PDLIM2: variants seen among roughly 807,000 people sequenced by gnomAD.
PDLIM2 encodes the protein PDZ and LIM domain 2, also known as PDZ and LIM domain protein 2.
A neutral mutation model predicts 54.1 loss-of-function variants in PDLIM2; 51 were observed. The ratio of observed to expected loss-of-function variants is 0.94; its 90% CI spans 0.75 to 1.19. The LOEUF is 1.19. Ranked by LOEUF, PDLIM2 falls within the 50% of genes most tolerant of loss-of-function variation. PDLIM2 has a pLI of 0.00. For synonymous variants in PDLIM2, 398 were observed against 385.6 expected (o/e 1.03, Z -0.38); for missense variants, 912 against 874.0 (o/e 1.04, Z -0.55).
At chr8:22,581,318 G>C in intron 2 of PDLIM2, 61 bp from the exon 2 acceptor site, 1 of 1,536,086 alleles carries the variant, frequency 6.5e-7, no homozygotes, top group Non-Finnish European at 8.7e-7. Context: ...GGGTAGCAGA[G>C]TGGGAAGTCC....
In PDLIM2 at chr8:22,591,428, T is replaced by C. The variant is rs73672778; in HGVS notation, c.1514-123T>C. 6,393 of 828,758 alleles carry C rather than the reference T, an allele frequency of 7.7e-3. 280 individuals carry two copies. The African/African-American group carries it at 0.092, about 12-fold the overall frequency. The allele number at this position is 828,758 out of a possible 1,614,324, so 51.3% of individuals were successfully genotyped here. On this transcript the variant is annotated intron_variant, in intron 8 of 9. Coordinates refer to ENST00000308354, the Ensembl canonical transcript of PDLIM2. ...CACCTTCCTCCTTACCTGGTGCCAC[T>C]GTCAGCGTGACTTTAGGGTTTCTCT... is the stretch of plus-strand genomic sequence containing the variant.
At chr8:22,589,181 C>T (rs1800460907) in intron 6 of PDLIM2, 117 bp from the exon 6 acceptor site, 1 of 1,016,050 alleles carries the variant, frequency 9.8e-7, no homozygotes. Flanking sequence ...GTCCGCTGGT[C>T]GGCGAGGGCC....
downstream of PDLIM2, chr8:22,597,391 C>T (rs1176110852): frequency 6.6e-6 from 1 of 152,312 alleles, no homozygotes; most frequent in Non-Finnish European, 1.5e-5. Flanking sequence ...CGCCAGGGCT[C>T]AGGTTCCTCT....
At chr8:22,588,902 T>C in intron 6 of PDLIM2, 2 of 283,706 alleles carry the variant, frequency 7.0e-6, no homozygotes, top group Non-Finnish European at 6.6e-6. Context: ...GCAGCGTGCT[T>C]CCTCTCTGCT....
chr8:22,580,965 G>T, intron 2 of PDLIM2: 1 of 669,638 alleles, frequency 1.5e-6, no homozygotes, highest in Non-Finnish European at 2.8e-6. Context: ...CTTGCAGGCA[G>T]CCATTTGGGG....
At chr8:22,596,350 A>T (rs1800683658), downstream of PDLIM2, 1 of 152,174 alleles carries the variant, frequency 6.6e-6, no homozygotes, top group Admixed American at 6.5e-5. Context: ...TTGGTGTGGC[A>T]GCCATCTCTC....
At chr8:22,585,121 C>T in exon 5 of PDLIM2, 1 of 1,613,812 alleles carries the variant, frequency 6.2e-7, no homozygotes, top group Middle Eastern at 1.6e-4. Context: ...CACCACCACC[C>T]TCTAGCAGCT....
intron 6 of PDLIM2, among the ~76,000 whole-genome samples, chr8:22,586,088 G>A (rs978449040): frequency 5.9e-5 from 9 of 152,290 alleles, no homozygotes; most frequent in African/African-American, 1.9e-4. Flanking sequence ...TGGGGGGCAC[G>A]TCCAGCCTTT....
intron 9 of PDLIM2, chr8:22,593,443 C>T (rs899666033): frequency 4.3e-5 from 16 of 368,872 alleles, no homozygotes; most frequent in Non-Finnish European, 7.8e-5. Flanking sequence ...CAGGTGTGGT[C>T]GCACATGCTT....
chr8:22,592,760 T>TG (rs1188783143), intron 9 of PDLIM2: 1 of 152,262 alleles, frequency 6.6e-6, no homozygotes. Flanking sequence ...TCCCCAGTGA[T>TG]GCGGATGCTG....
chr8:22,594,351 C>T, downstream of PDLIM2: 2 of 1,471,754 alleles, frequency 1.4e-6, no homozygotes, highest in Non-Finnish European at 1.8e-6. Flanking sequence ...ATGACCTGCT[C>T]CCACCACTGG....
chr8:22,591,452 C>A, intron 8 of PDLIM2, 99 bp from the exon 8 acceptor site: 1 of 1,071,112 alleles, frequency 9.3e-7, no homozygotes, highest in South Asian at 1.3e-5. Flanking sequence ...TAGGGTTTCT[C>A]TTATAAGGGT....
downstream of PDLIM2, chr8:22,594,537 C>A (rs770684275): frequency 3.7e-6 from 6 of 1,613,926 alleles, no homozygotes; most frequent in Non-Finnish European, 5.1e-6. Context: ...CAGGAGGACG[C>A]TTGTGCTATG....
At chr8:22,591,731 A>G in intron 9 of PDLIM2, 63 bp downstream of exon 8, 1 of 1,454,446 alleles carries the variant, frequency 6.9e-7, no homozygotes, top group African/African-American at 1.4e-5. Flanking sequence ...GGGACAGGGC[A>G]CTGGATGCTT....
At chr8:22,585,919 C>A (rs1190153530) in intron 6 of PDLIM2, among the ~76,000 whole-genome samples, 1 of 151,482 alleles carries the variant, frequency 6.6e-6, no homozygotes, top group Non-Finnish European at 1.5e-5. Flanking sequence ...CCTCCCCCTA[C>A]CCCCGCCAGC....
At chr8:22,580,990 A>G in intron 2 of PDLIM2, 1 of 657,244 alleles carries the variant, frequency 1.5e-6, no homozygotes, top group Non-Finnish European at 2.9e-6. Flanking sequence ...TACTAGAACA[A>G]GAGCCCCGGA....
chr8:22,589,720 G>A, exon 8 of PDLIM2: 2 of 1,569,396 alleles, frequency 1.3e-6, no homozygotes, highest in Non-Finnish European at 8.6e-7. Flanking sequence ...CTTGCAGGAA[G>A]CCCTGGAGGC....
At chr8:22,581,746 C>T (rs1015880942) in intron 3 of PDLIM2, among the ~76,000 whole-genome samples, 1 of 152,248 alleles carries the variant, frequency 6.6e-6, no homozygotes, top group Non-Finnish European at 1.5e-5. Context: ...AGGTGGGCGC[C>T]AGGCTGGGCG....
At chr8:22,578,839 G>A (rs1243002866) in exon 1 of PDLIM2, 5 of 1,234,260 alleles carry the variant, frequency 4.1e-6, no homozygotes, top group African/African-American at 1.6e-5. Context: ...CCCCTCGATC[G>A]TCTGCGAAGT....
Sources: allele counts gnomAD v4.1 joint callset (sites outside exome capture counted in the v4.1 genomes callset), GRCh38; gene constraint gnomAD v4.1.1; transcripts MANE v1.5; gene names NCBI Gene and HGNC (gene_info 2026-07-23, HGNC 2026-07-21).